Variants in SLC6A6 observed in about 807,000 individuals in gnomAD.
SLC6A6 encodes sodium- and chloride-dependent taurine transporter.
Under a neutral mutation model 68.8 loss-of-function variants are expected in SLC6A6, and 16 were observed. That is an observed-to-expected ratio of 0.23 (90% CI 0.16 to 0.35). The LOEUF (loss-of-function observed/expected upper bound fraction) is 0.35, where lower values mean the gene tolerates loss of function less well. Among genes scored for constraint, SLC6A6 ranks in the 10% least tolerant of loss-of-function variants. The pLI, the probability that SLC6A6 is intolerant of heterozygous loss-of-function variation, is 1.00. For synonymous variants in SLC6A6, 312 were observed against 315.4 expected (o/e 0.99, Z 0.12); for missense variants, 474 against 802.8 (o/e 0.59, Z 4.95).
chr3:14,466,379 C>A, intron 6 of SLC6A6, 137 bp from the exon 7 acceptor site: 1 of 957,374 alleles, frequency 1.0e-6, no homozygotes, highest in Admixed American at 2.4e-5. Context: ...AAAGGCCGCA[C>A]AGCAAGTAAG....
intron 2 of SLC6A6, among the ~76,000 whole-genome samples, chr3:14,438,689 G>A (rs1299664915): frequency 6.6e-6 from 1 of 152,156 alleles, no homozygotes; most frequent in African/African-American, 2.4e-5. Flanking sequence ...CTTCTTAAAG[G>A]CCAGGTATGT....
rs1285375757 is a variant in SLC6A6, at chr3:14,481,392, G to T, written c.1552-279G>T. Among the ~76,000 whole-genome samples, 1 of 152,096 alleles carries T rather than the reference G, an allele frequency of 6.6e-6. No homozygotes were observed. The highest frequency in any genetic ancestry group is 1.9e-4 in the East Asian group (1 of 5,184). On this transcript the variant is annotated intron_variant, in intron 13 of 14. Coordinates refer to ENST00000622186, the MANE Select transcript of SLC6A6 (RefSeq NM_003043.6). This position sits in a 1 kb window ranked among gnomAD's most constrained non-coding sequence, Gnocchi z 4.7. The stretch of plus-strand genomic sequence containing the variant: ...AGTTGAGGCAGATGAGGGAGGAAGG[G>T]GTACAGCTTCTGCTGACACTCCCGG...
chr3:14,413,725 G>GGTCAGGCC (rs1466640979), intron 1 of SLC6A6, among the ~76,000 whole-genome samples: 1 of 152,184 alleles, frequency 6.6e-6, no homozygotes, highest in Non-Finnish European at 1.5e-5. Flanking sequence ...CTGGGGGAAG[G>GGTCAGGCC]GTCAGGCCTA....
At chr3:14,475,090 G>T (rs1009100642) in intron 10 of SLC6A6, among the ~76,000 whole-genome samples, 1 of 152,232 alleles carries the variant, frequency 6.6e-6, no homozygotes. Context: ...AGAGTGCAGT[G>T]GCGCAGCCTT....
At chr3:14,476,375 A>C (rs1200294251) in intron 10 of SLC6A6, among the ~76,000 whole-genome samples, 1 of 152,202 alleles carries the variant, frequency 6.6e-6, no homozygotes, top group African/African-American at 2.4e-5. Context: ...AACAACCCCC[A>C]AGATAAATGG....
Position 14,488,781 on chromosome 3 carries a change from T to C in SLC6A6, c.*3774T>C, listed in dbSNP as rs1701247581. 1.3e-5 allele frequency: 2 copies of C among 152,652 alleles called. No individual in the cohort carries two copies. Among genetic ancestry groups the C allele is most frequent in the Non-Finnish European group, 2.9e-5 (2 of 68,050 alleles). The allele number at this position is 152,652 out of a possible 1,614,324, so 9.5% of individuals were successfully genotyped here. A position where few individuals can be genotyped will look rare whatever the true frequency, so the allele number is the denominator to read the frequency against. The stretch of plus-strand genomic sequence containing the variant: ...CCTTCTCTCCCTGATCCTCAGAATA[T>C]ATATTGTTGTAATAGGAAGCATTTT... On this transcript the variant is annotated 3_prime_UTR_variant, in exon 15 of 15. Coordinates refer to ENST00000622186, the MANE Select transcript of SLC6A6 (RefSeq NM_003043.6).
chr3:14,436,768 G>C (rs1699866162), intron 2 of SLC6A6, among the ~76,000 whole-genome samples: 1 of 152,030 alleles, frequency 6.6e-6, no homozygotes, highest in Non-Finnish European at 1.5e-5. Flanking sequence ...CATCTGTCCT[G>C]CCTGAGTCTG....
At chr3:14,428,394 G>C (rs977542068) in intron 2 of SLC6A6, among the ~76,000 whole-genome samples, 1 of 152,100 alleles carries the variant, frequency 6.6e-6, no homozygotes, top group Non-Finnish European at 1.5e-5. Context: ...CATGAGTTGA[G>C]GAAGAATGCC....
Position 14,489,224 on chromosome 3 carries a change from GTT to G in SLC6A6, c.*4223_*4224del, listed in dbSNP as rs917637964. The G allele has an allele frequency of 3.3e-5, 5 of 152,542 alleles. No homozygotes were observed. The East Asian group carries it at 9.7e-4, about 29-fold the overall frequency. The allele number at this position is 152,542 out of a possible 1,614,324, so 9.4% of individuals were successfully genotyped here. A position where few individuals can be genotyped will look rare whatever the true frequency, so the allele number is the denominator to read the frequency against. On this transcript the variant is annotated 3_prime_UTR_variant, in exon 15 of 15. Transcript: ENST00000622186. Reference sequence around the variant, plus strand: ...ATATGATTCCCTGTATTTTGCAGGGGTTTTTTTCTCTTTTGCTTTTTAGATAA... The same window carrying G: ...ATATGATTCCCTGTATTTTGCAGGGGTTTTTCTCTTTTGCTTTTTAGATAA...
At chr3:14,475,665 C>T (rs979314314) in intron 10 of SLC6A6, among the ~76,000 whole-genome samples, 7 of 152,156 alleles carry the variant, frequency 4.6e-5, no homozygotes, top group Admixed American at 1.3e-4. Flanking sequence ...TGATTCACAG[C>T]GACACTGACC....
intron 2 of SLC6A6, among the ~76,000 whole-genome samples, chr3:14,434,505 C>T (rs1404519988): frequency 6.6e-6 from 1 of 152,228 alleles, no homozygotes; most frequent in African/African-American, 2.4e-5. Flanking sequence ...GTGCCTGGCA[C>T]ATAGTAGGGT....
chr3:14,429,566 T>C (rs1399892134), intron 2 of SLC6A6, among the ~76,000 whole-genome samples: 1 of 152,224 alleles, frequency 6.6e-6, no homozygotes, highest in Non-Finnish European at 1.5e-5. Flanking sequence ...GCTGATTTTG[T>C]TTGATGTTTT....
At chr3:14,479,260 C>A in intron 13 of SLC6A6, 75 bp downstream of exon 13, 1 of 919,534 alleles carries the variant, frequency 1.1e-6, no homozygotes, top group Middle Eastern at 2.1e-4. Context: ...GCTAAACCAT[C>A]TTTCATGCAG....
At chr3:14,407,332 G>A (rs1310323145) in intron 1 of SLC6A6, among the ~76,000 whole-genome samples, 1 of 152,052 alleles carries the variant, frequency 6.6e-6, no homozygotes, top group Non-Finnish European at 1.5e-5. Context: ...TTTTTAAATT[G>A]AGTTATGATT....
intron 12 of SLC6A6, chr3:14,478,799 G>T: frequency 1.7e-6 from 1 of 594,818 alleles, no homozygotes; most frequent in Non-Finnish European, 3.0e-6. Context: ...GGTTGTGCAG[G>T]ACCTGGAATA....
chr3:14,478,374 T>C, intron 11 of SLC6A6, 92 bp from the exon 12 acceptor site: 1 of 761,598 alleles, frequency 1.3e-6, no homozygotes, highest in South Asian at 1.5e-5. Context: ...CTTGGGTTTT[T>C]TTAATCTTAT....
intron 2 of SLC6A6, among the ~76,000 whole-genome samples, chr3:14,432,331 G>A (rs1470927311): frequency 2.0e-5 from 3 of 152,134 alleles, no homozygotes; most frequent in Non-Finnish European, 4.4e-5. Flanking sequence ...ACCCTACCCC[G>A]CCCCCATTTC....
chr3:14,403,077 AGTGTGTGTGTGTGTGTGTGTGT>A (rs34547966), intron 1 of SLC6A6, among the ~76,000 whole-genome samples: 9 of 143,324 alleles, frequency 6.3e-5, no homozygotes, highest in Non-Finnish European at 1.1e-4. Flanking sequence ...GCGGCAGGAG[AGTGTGTGTGTGTGTGTGTGTGT>A]GTGTGTGTGT....
chr3:14,449,033 G>A (rs1402157330), intron 5 of SLC6A6, among the ~76,000 whole-genome samples: 4 of 152,218 alleles, frequency 2.6e-5, no homozygotes, highest in South Asian at 4.1e-4. Flanking sequence ...TGTCTTTTGT[G>A]TGTGGTTTTG....
Sources: gnomAD v4.1 joint callset for allele counts (sites outside exome capture counted in the v4.1 genomes callset) on GRCh38, gnomAD v4.1.1 for gene constraint, Gnocchi (gnomAD v3.1) non-coding constraint, MANE v1.5 for transcripts, NCBI Gene and HGNC (gene_info 2026-07-23, HGNC 2026-07-21) for gene names.